BAHD1: variants seen among roughly 807,000 people sequenced by gnomAD.
The protein encoded by BAHD1 is bromo adjacent homology domain-containing 1 protein.
Under a neutral mutation model 63.1 loss-of-function variants are expected in BAHD1, and 20 were observed. The observed-to-expected ratio is 0.32, with a 90% CI of 0.22 to 0.46. The LOEUF is 0.46. Ranked by LOEUF, BAHD1 falls within the 20% of genes least tolerant of loss-of-function variation. BAHD1 has a pLI of 1.00. For missense variants in BAHD1, 939 were observed against 1,071.8 expected (o/e 0.88, Z 1.73); for synonymous variants, 408 against 426.8 (o/e 0.96, Z 0.54).
chr15:40,440,149 G>A (rs910134010), upstream of BAHD1, among the ~76,000 whole-genome samples: 4 of 152,218 alleles, frequency 2.6e-5, no homozygotes, highest in African/African-American at 9.7e-5. Context: ...GCTGGAAATG[G>A]ATGAGGGCTC....
In BAHD1 at chr15:40,459,295, C is replaced by T; in HGVS notation, c.831C>T (p.Gly277=). The part of the protein sequence containing the change: ...GEAAGPPGWQ[G]CPDEPWPSAT... ...CTGCAGGCCCACCTGGCTGGCAAGG[C>T]TGCCCTGATGAACCATGGCCATCTG... is the stretch of plus-strand genomic sequence containing the variant. The change falls in exon 2 of 7, where the codon GGC becomes GGT. Residue 277 remains glycine, a synonymous_variant. Transcript: ENST00000416165. 6.2e-7 allele frequency: 1 copy of T among 1,613,022 alleles called. No individual in the cohort carries two copies. The highest frequency in any genetic ancestry group is 8.5e-7 in the Non-Finnish European group (1 of 1,180,038).
rs374994019 is a variant in BAHD1, at chr15:40,459,651, G to T, written c.1187G>T (p.Cys396Phe). 1.2e-6 allele frequency: 2 copies of T among 1,614,022 alleles called. No individual in the cohort carries two copies. Among genetic ancestry groups the T allele is most frequent in the Middle Eastern group, 1.6e-4 (1 of 6,084 alleles). The change falls in exon 2 of 7, where the codon TGC becomes TTC. Residue 396 changes from cysteine to phenylalanine, a missense_variant. Coordinates refer to ENST00000416165, the MANE Select transcript of BAHD1 (RefSeq NM_014952.5). ...EGLQCGGYSP[C>F]PMLPEGKLSP... ...CTGCAGTGTGGGGGCTACTCGCCCT[G>T]CCCCATGCTTCCTGAGGGCAAGCTG...
Position 40,466,253 on chromosome 15 carries a change from C to G in BAHD1, c.*123C>G, listed in dbSNP as rs543789175. The stretch of plus-strand genomic sequence containing the variant: ...CCTAAGTTTGCTGGCCTGTGGTTTT[C>G]TTGGGGGGGAGGGCAGGGGCCCCTG... On this transcript the variant is annotated 3_prime_UTR_variant, in exon 7 of 7. Transcript: ENST00000416165. 35 of 795,476 alleles carry G rather than the reference C, an allele frequency of 4.4e-5. No homozygotes were observed. Among genetic ancestry groups the G allele is most frequent in the Middle Eastern group, 4.7e-4 (1 of 2,132 alleles). The allele number at this position is 795,476 out of a possible 1,614,324, so 49.3% of individuals were successfully genotyped here.
intron 1 of BAHD1, among the ~76,000 whole-genome samples, chr15:40,456,379 GCT>G (rs962812224): frequency 9.9e-5 from 15 of 152,186 alleles, no homozygotes; most frequent in Non-Finnish European, 1.9e-4. Flanking sequence ...TTTTTTAGGA[GCT>G]CTCCACCTGT....
At chr15:40,446,281 C>T (rs1311081003) in intron 1 of BAHD1, among the ~76,000 whole-genome samples, 2 of 152,336 alleles carry the variant, frequency 1.3e-5, no homozygotes, top group East Asian at 1.9e-4. Context: ...TGAGGCTGCA[C>T]GTGGTCTGCT....
intron 1 of BAHD1, among the ~76,000 whole-genome samples, chr15:40,450,945 C>T (rs1395719983): frequency 6.6e-6 from 1 of 152,034 alleles, no homozygotes; most frequent in Non-Finnish European, 1.5e-5. Context: ...TGAGACCAGC[C>T]TGGCCAACAT....
chr15:40,467,755 T>C lies in BAHD1; in HGVS notation c.*1625T>C, dbSNP rs1432635612. ...AAGGGAAGGGACTTGGATCTCCTTA[T>C]ATTGAATAAGCTGTTTGGAGGAAGG... is the stretch of plus-strand genomic sequence containing the variant. On this transcript the variant is annotated 3_prime_UTR_variant, in exon 7 of 7. Transcript: ENST00000416165. 2 of 152,686 alleles carry C rather than the reference T, an allele frequency of 1.3e-5. No homozygotes were observed. Among genetic ancestry groups the C allele is most frequent in the Admixed American group, 6.5e-5 (1 of 15,284 alleles). 9.5% of individuals were successfully genotyped at this position (152,686 alleles called of 1,614,324 possible). A position where few individuals can be genotyped will look rare whatever the true frequency, so the allele number is the denominator to read the frequency against.
At chr15:40,452,758 G>C (rs1057314860) in intron 1 of BAHD1, among the ~76,000 whole-genome samples, 1 of 151,510 alleles carries the variant, frequency 6.6e-6, no homozygotes, top group African/African-American at 2.4e-5. Context: ...TGGGGTTGCT[G>C]TATGGTGCTG....
rs551902335 is a variant in BAHD1 at position 40,463,896 on chromosome 15, G to C, written c.1851G>C (p.Gln617His). 2 of 1,614,222 alleles carry C rather than the reference G, an allele frequency of 1.2e-6. No individual in the cohort carries two copies. The highest frequency in any genetic ancestry group is 3.3e-5 in the Admixed American group (2 of 60,026). The stretch of plus-strand genomic sequence containing the variant: ...AGCCAGCCATCCGAAAGAGCTACCA[G>C]GCGGTAGAGCGGCATGGGGAGACAA... The part of the protein sequence containing the change: ...EPEPAIRKSY[Q>H]AVERHGETIR... The change falls in exon 4 of 7, where the codon CAG becomes CAC. Residue 617 changes from glutamine to histidine, a missense_variant. Gln to His is a conservative substitution (Grantham distance 24). Around this residue, in one of 5 missense-constraint regions of BAHD1, gnomAD observed 35 missense variants for 56.5 expected, o/e 0.62. Transcript: ENST00000416165.
chr15:40,449,706 G>C (rs1048309267), intron 1 of BAHD1, among the ~76,000 whole-genome samples: 3 of 152,078 alleles, frequency 2.0e-5, no homozygotes, highest in Admixed American at 6.5e-5. Context: ...CTACTCGGGA[G>C]GCTGAGGTAG....
intron 2 of BAHD1, among the ~76,000 whole-genome samples, chr15:40,461,515 C>T (rs1186475695): frequency 6.6e-6 from 1 of 152,018 alleles, no homozygotes; most frequent in Non-Finnish European, 1.5e-5. Context: ...TGATGGGCAC[C>T]TGTAATCCCA....
chr15:40,458,564 G>A lies in BAHD1; in HGVS notation c.100G>A (p.Val34Ile), dbSNP rs775118830. The A allele has an allele frequency of 5.0e-6, 8 of 1,613,876 alleles. No individual in the cohort carries two copies. The highest frequency in any genetic ancestry group is 1.3e-5 in the African/African-American group (1 of 74,916). Residue 34 changes from valine (V) to isoleucine (I), a missense_variant, in exon 2 of 7, where the codon GTT becomes ATT. Around this residue, in one of 5 missense-constraint regions of BAHD1, gnomAD observed 797 missense variants for 813.3 expected, o/e 0.98. Transcript: ENST00000416165. This position sits in a 1 kb window ranked among gnomAD's most constrained non-coding sequence, Gnocchi z 4.7. ...GGAAGACAGCAACATGGAGCAGGGG[G>A]TTGAGGGTGTGGAGCCAGGCATGCC... ...QMEDSNMEQG[V>I]EGVEPGMPES...
Position 40,459,147 on chromosome 15 carries a change from C to T in BAHD1, c.683C>T (p.Ala228Val). The part of the protein sequence containing the change: ...ERELPLRLPR[A>V]HAEVDGRSTE... ...GAGCTACCCCTGCGGCTGCCTCGTGCCCATGCAGAAGTAGATGGGCGCTCC... is the reference window on the plus strand; with the variant it reads ...GAGCTACCCCTGCGGCTGCCTCGTGTCCATGCAGAAGTAGATGGGCGCTCC... The change falls in exon 2 of 7, where the codon GCC (alanine) becomes GTC (valine). Residue 228 changes from alanine to valine, a missense_variant. By Grantham distance (64) the Ala-to-Val change is moderately conservative. Around this residue, in one of 5 missense-constraint regions of BAHD1, gnomAD observed 797 missense variants for 813.3 expected, o/e 0.98. Coordinates refer to ENST00000416165, the MANE Select transcript of BAHD1 (RefSeq NM_014952.5). 1 of 1,613,144 alleles carries T rather than the reference C, an allele frequency of 6.2e-7. No individual in the cohort carries two copies. Among genetic ancestry groups the T allele is most frequent in the Non-Finnish European group, 8.5e-7 (1 of 1,179,966 alleles).
intron 1 of BAHD1, chr15:40,454,689 G>A (rs1893799125): frequency 1.3e-5 from 2 of 152,190 alleles, no homozygotes; most frequent in Admixed American, 6.5e-5. Context: ...TTCCCAAGAG[G>A]GCATGGACCA....
chr15:40,445,958 T>G (rs987736375), intron 1 of BAHD1, among the ~76,000 whole-genome samples: 1 of 152,208 alleles, frequency 6.6e-6, no homozygotes, highest in Admixed American at 6.5e-5. Context: ...GAAATGCCTG[T>G]TAACCCTGAA....
Position 40,466,030 on chromosome 15 carries a change from C to G in BAHD1, c.2243C>G (p.Pro748Arg), listed in dbSNP as rs1346163879. The G allele has an allele frequency of 1.9e-6, 3 of 1,613,960 alleles. No homozygotes were observed. The highest frequency in any genetic ancestry group is 2.5e-6 in the Non-Finnish European group (3 of 1,179,948). ...CCCTCTGCAGACTATTCCACCCCAC[C>G]CCACCGCACAGTGCCAGAGGACACG... ...VPPSADYSTPPHRTVPEDTDP... is the reference protein window; with the variant it reads ...VPPSADYSTPRHRTVPEDTDP... Residue 748 changes from proline to arginine, a missense_variant, in exon 7 of 7, where the codon CCC becomes CGC. By Grantham distance (103) the Pro-to-Arg change is moderately radical (BLOSUM62 -2). Transcript: ENST00000416165.
rs1395954548 is a variant in BAHD1, at chr15:40,467,025, ACACC to A, written c.*900_*903del. On this transcript the variant is annotated 3_prime_UTR_variant, in exon 7 of 7. Transcript: ENST00000416165. ...AACTTCACACGTGATTCTTCAAGCCACACCCACCTGAAATCAAACCAAAGGAGTG... is the reference window on the plus strand; with the variant it reads ...AACTTCACACGTGATTCTTCAAGCCACACCTGAAATCAAACCAAAGGAGTG... 1 of 152,342 alleles carries A rather than the reference ACACC, an allele frequency of 6.6e-6. No individual in the cohort carries two copies. Among genetic ancestry groups the A allele is most frequent in the East Asian group, 1.9e-4 (1 of 5,192 alleles). 9.4% of individuals were successfully genotyped at this position (152,342 alleles called of 1,614,324 possible).
intron 1 of BAHD1, among the ~76,000 whole-genome samples, chr15:40,448,220 T>C (rs959149932): frequency 2.6e-5 from 4 of 151,282 alleles, no homozygotes; most frequent in Non-Finnish European, 4.4e-5. Flanking sequence ...CTAGCCTGGA[T>C]GACAGAGCAA....
At chr15:40,444,840 C>T (rs916955819) in intron 1 of BAHD1, among the ~76,000 whole-genome samples, 1 of 152,252 alleles carries the variant, frequency 6.6e-6, no homozygotes, top group South Asian at 2.1e-4. Context: ...GCATCCATCC[C>T]CTTTCCCCCA....
Sources: allele counts gnomAD v4.1 joint callset (sites outside exome capture counted in the v4.1 genomes callset), GRCh38; gene constraint gnomAD v4.1.1; regional missense constraint gnomAD v4.1.1; non-coding constraint Gnocchi (gnomAD v3.1); transcripts MANE v1.5; gene names NCBI Gene and HGNC (gene_info 2026-07-23, HGNC 2026-07-21).